The following PDE3B variants were observed in gnomAD, a reference collection of about 807,000 sequenced individuals.
PDE3B encodes phosphodiesterase 3B, also known as cGMP-inhibited 3',5'-cyclic phosphodiesterase 3B.
In PDE3B, 66 loss-of-function variants were observed where a neutral mutation model predicts 116.8. The ratio of observed to expected loss-of-function variants is 0.56; its 90% confidence interval spans 0.46 to 0.69. The LOEUF is 0.69. Among genes scored for constraint, PDE3B ranks in the 30% least tolerant of loss-of-function variants. The pLI, the probability that PDE3B is intolerant of heterozygous loss-of-function variation, is 0.00. For synonymous variants in PDE3B, 595 were observed against 533.6 expected, an observed-to-expected ratio of 1.12 and a Z score of -1.59; for missense variants, 1,384 against 1,368.1, an observed-to-expected ratio of 1.01 and a Z score of -0.18.
chr11:14,803,220 G>T (rs1858825211), intron 4 of PDE3B, among the ~76,000 whole-genome samples: 1 of 152,088 alleles, frequency 6.6e-6, no homozygotes, highest in Non-Finnish European at 1.5e-5. Context: ...TTAAGGCTCA[G>T]AATAAAAGTT....
chr11:14,896,445 A>G, the PDE3B span, among the ~76,000 whole-genome samples: 1 of 152,180 alleles, frequency 6.6e-6, no homozygotes, highest in Middle Eastern at 3.2e-3. Context: ...CCTGGGGTTT[A>G]CATTCTATTG....
chr11:14,835,099 C>T lies in PDE3B; in HGVS notation c.2320+4C>T, dbSNP rs766794557. 4 of 1,516,912 alleles carry T rather than the reference C, an allele frequency of 2.6e-6. No individual in the cohort carries two copies. The highest frequency in any genetic ancestry group is 2.7e-6 in the Non-Finnish European group (3 of 1,097,880). The allele number at this position is 1,516,912 out of a possible 1,614,324, so 94.0% of individuals were successfully genotyped here. A position where few individuals can be genotyped will look rare whatever the true frequency, so the allele number is the denominator to read the frequency against. ...TGTGGAACAGGAAATGAAACAGGTACTTCCTTCTACAAATCTCTTAATTAT... is the reference window on the plus strand; with the variant it reads ...TGTGGAACAGGAAATGAAACAGGTATTTCCTTCTACAAATCTCTTAATTAT... On this transcript the variant is annotated splice_donor_region_variant and intron_variant, in intron 11 of 15. Coordinates refer to ENST00000282096, the MANE Select transcript of PDE3B (RefSeq NM_000922.4).
At chr11:14,725,170 A>G (rs1264204858) in intron 1 of PDE3B, among the ~76,000 whole-genome samples, 1 of 152,288 alleles carries the variant, frequency 6.6e-6, no homozygotes, top group South Asian at 2.1e-4. Context: ...CAAGTGATTA[A>G]TAGGGGCTGC....
the PDE3B span, chr11:14,892,182 T>G: frequency 6.2e-7 from 1 of 1,610,576 alleles, no homozygotes; most frequent in Non-Finnish European, 8.5e-7. Context: ...CCGCGCCCTC[T>G]TCAGCTCTCC....
chr11:14,827,172 A>C (rs1384070648), intron 7 of PDE3B, among the ~76,000 whole-genome samples: 2 of 152,164 alleles, frequency 1.3e-5, no homozygotes, highest in African/African-American at 4.8e-5. Flanking sequence ...CATACCTCAA[A>C]ATAATAAGAA....
chr11:14,674,458 AC>A, intron 1 of PDE3B: 1 of 596,556 alleles, frequency 1.7e-6, no homozygotes, highest in Admixed American at 2.0e-5. Flanking sequence ...CTTAATGGCA[AC>A]CTTTACACAC....
At chr11:14,855,993 G>C (rs375174050) in intron 12 of PDE3B, among the ~76,000 whole-genome samples, 3 of 152,142 alleles carry the variant, frequency 2.0e-5, no homozygotes, top group Admixed American at 6.5e-5. Context: ...GAACTGATAC[G>C]GTTTGTCTCT....
chr11:14,799,356 G>T (rs537487796), intron 4 of PDE3B, among the ~76,000 whole-genome samples: 2 of 152,090 alleles, frequency 1.3e-5, no homozygotes, highest in Non-Finnish European at 2.9e-5. Context: ...TTCCCATTAC[G>T]TGGTCAATCT....
At chr11:14,810,617 G>T (rs540954596) in intron 5 of PDE3B, among the ~76,000 whole-genome samples, 1 of 150,462 alleles carries the variant, frequency 6.6e-6, no homozygotes, top group African/African-American at 2.4e-5. Flanking sequence ...GAATAATGCC[G>T]CAATAAACAT....
At chr11:14,845,058 C>A (rs536435920) in intron 12 of PDE3B, among the ~76,000 whole-genome samples, 1 of 152,230 alleles carries the variant, frequency 6.6e-6, no homozygotes, top group East Asian at 1.9e-4. Context: ...TGACCCCTGA[C>A]CCCCGAGCAG....
intron 11 of PDE3B, 123 bp from the exon 12 acceptor site, chr11:14,843,704 G>C (rs1847522524): frequency 7.0e-6 from 5 of 713,540 alleles, no homozygotes; most frequent in East Asian, 2.5e-5. Flanking sequence ...ATAGATTTTA[G>C]TTCTTACTTA....
chr11:14,672,087 T>TA (rs1256543318), intron 1 of PDE3B, among the ~76,000 whole-genome samples: 1 of 148,598 alleles, frequency 6.7e-6, no homozygotes, highest in Admixed American at 6.8e-5. Flanking sequence ...GTTTACCAGA[T>TA]ACTAGTGTTA....
At chr11:14,679,756 A>G (rs1457430984) in intron 1 of PDE3B, among the ~76,000 whole-genome samples, 1 of 151,684 alleles carries the variant, frequency 6.6e-6, no homozygotes, top group Non-Finnish European at 1.5e-5. Context: ...TTCTTACACT[A>G]AATTTTTCCC....
intron 1 of PDE3B, among the ~76,000 whole-genome samples, chr11:14,752,472 C>G (rs1281168067): frequency 3.3e-5 from 5 of 152,052 alleles, no homozygotes; most frequent in African/African-American, 9.7e-5. Context: ...CTTTGCAAGC[C>G]ATAGGTAATT....
intron 1 of PDE3B, among the ~76,000 whole-genome samples, chr11:14,660,648 C>T (rs1393483417): frequency 6.6e-6 from 1 of 152,002 alleles, no homozygotes; most frequent in Non-Finnish European, 1.5e-5. Context: ...ATTATTCTTT[C>T]TAATATTTCT....
chr11:14,705,750 G>A (rs987487169), intron 1 of PDE3B, among the ~76,000 whole-genome samples: 7 of 151,650 alleles, frequency 4.6e-5, no homozygotes, highest in Non-Finnish European at 8.9e-5. Flanking sequence ...TGTTGAATGT[G>A]GGTATTTACT....
At chr11:14,722,853 G>A (rs1856164383) in intron 1 of PDE3B, among the ~76,000 whole-genome samples, 2 of 152,194 alleles carry the variant, frequency 1.3e-5, no homozygotes, top group Admixed American at 6.5e-5. Flanking sequence ...TTATGTAGAA[G>A]AAGCTAACTA....
downstream of PDE3B, among the ~76,000 whole-genome samples, chr11:14,876,318 A>G (rs967441741): frequency 6.6e-6 from 1 of 152,124 alleles, no homozygotes; most frequent in Non-Finnish European, 1.5e-5. Context: ...GGAGTTCAAG[A>G]CCAGCCTGGA....
chr11:14,825,946 G>C (rs1859673745), intron 7 of PDE3B, among the ~76,000 whole-genome samples: 1 of 152,094 alleles, frequency 6.6e-6, no homozygotes, highest in Admixed American at 6.6e-5. Flanking sequence ...AATAAAGATA[G>C]AAATCAAGAC....
Sources: gnomAD v4.1 joint callset for allele counts (sites outside exome capture counted in the v4.1 genomes callset) on GRCh38, gnomAD v4.1.1 for gene constraint, MANE v1.5 for transcripts, NCBI Gene and HGNC (gene_info 2026-07-23, HGNC 2026-07-21) for gene names.